Variants in TFPI observed in about 807,000 individuals in gnomAD.
TFPI encodes the protein anti-convertin.
In TFPI, 15 loss-of-function variants were observed where a neutral mutation model predicts 34.6. That is an observed-to-expected ratio of 0.43 (90% CI 0.29 to 0.67). The LOEUF (loss-of-function observed/expected upper bound fraction) is 0.67, where lower values mean the gene tolerates loss of function less well. Among genes scored for constraint, TFPI ranks in the 30% least tolerant of loss-of-function variants. The pLI, the probability that TFPI is intolerant of heterozygous loss-of-function variation, is 0.15. For synonymous variants in TFPI, 105 were observed against 120.1 expected, an observed-to-expected ratio of 0.87 and a Z score of 0.82; for missense variants, 301 against 364.0, an observed-to-expected ratio of 0.83 and a Z score of 1.41.
chr2:187,479,377 T>C (rs1322948471), intron 6 of TFPI, among the ~76,000 whole-genome samples: 1 of 151,458 alleles, frequency 6.6e-6, no homozygotes, highest in African/African-American at 2.4e-5. Context: ...TCTAATATGC[T>C]TTAGTTTACT....
intron 1 of TFPI, chr2:187,547,531 A>G (rs1273989364): frequency 6.6e-6 from 1 of 152,100 alleles, no homozygotes; most frequent in African/African-American, 2.4e-5. Flanking sequence ...GGTGACTACA[A>G]CCATCTGCCC....
chr2:187,531,497 T>G (rs1476614028), intron 1 of TFPI, among the ~76,000 whole-genome samples: 2 of 151,806 alleles, frequency 1.3e-5, no homozygotes, highest in Non-Finnish European at 2.9e-5. Flanking sequence ...AATTTTTCTG[T>G]TTTTTTGCAA....
intron 6 of TFPI, among the ~76,000 whole-genome samples, chr2:187,469,514 T>C (rs8176584): frequency 3.1e-3 from 476 of 152,200 alleles, no homozygotes; most frequent in African/African-American, 0.011. Context: ...TACAAAATGA[T>C]GTTATGGGAT....
intron 6 of TFPI, among the ~76,000 whole-genome samples, chr2:187,469,418 T>C (rs1167458765): frequency 1.3e-5 from 2 of 152,148 alleles, no homozygotes; most frequent in African/African-American, 4.8e-5. Flanking sequence ...TTAAATCATA[T>C]GTAGCCCTTT....
In TFPI at chr2:187,523,712, C is replaced by A. The variant is rs76581463; in HGVS notation, c.-2-19942G>T. On this transcript the variant is annotated intron_variant, in intron 1 of 7. Coordinates refer to ENST00000233156, the MANE Select transcript of TFPI (RefSeq NM_006287.6). The stretch of plus-strand genomic sequence containing the variant: ...TACAGAATATTTTCCTCTAAAAATT[C>A]TCTGTGCTTCATCCATTCATCCTCC... Among the ~76,000 whole-genome samples the A allele has an allele frequency of 4.0e-3, 611 of 152,238 alleles. 10 individuals carry two copies. In the East Asian group the frequency reaches 0.047, roughly 12 times the overall value.
At chr2:187,479,546 CATATATATATATATATATATATAT>C (rs35837997) in intron 6 of TFPI, among the ~76,000 whole-genome samples, 72 of 63,310 alleles carry the variant, frequency 1.1e-3, no homozygotes, top group African/African-American at 3.5e-3. Flanking sequence ...ATATCACGTT[CATATATATATATATATATATATAT>C]ATATATATAT....
intron 1 of TFPI, among the ~76,000 whole-genome samples, chr2:187,522,748 A>G (rs1435838308): frequency 3.9e-5 from 5 of 129,360 alleles, no homozygotes; most frequent in Non-Finnish European, 6.8e-5. Flanking sequence ...AAAAAAACCC[A>G]GGCACGGTGG....
intron 1 of TFPI, among the ~76,000 whole-genome samples, chr2:187,552,162 T>C (rs1689120222): frequency 1.3e-5 from 2 of 151,616 alleles, no homozygotes; most frequent in African/African-American, 4.8e-5. Flanking sequence ...TTTTTTTTCT[T>C]GTATTAGGTA....
intron 1 of TFPI, among the ~76,000 whole-genome samples, chr2:187,540,103 A>C (rs1208562731): frequency 6.6e-6 from 1 of 152,002 alleles, no homozygotes; most frequent in Non-Finnish European, 1.5e-5. Flanking sequence ...GGGTTTCACC[A>C]TGTGGCCCAG....
At chr2:187,533,186 G>T (rs1323097094) in intron 1 of TFPI, among the ~76,000 whole-genome samples, 2 of 152,200 alleles carry the variant, frequency 1.3e-5, no homozygotes, top group Non-Finnish European at 2.9e-5. Flanking sequence ...GCGAGCAGCG[G>T]ATATCCCAGC....
At chr2:187,504,577 AAAAG>A (rs1686072775) in intron 1 of TFPI, among the ~76,000 whole-genome samples, 1 of 151,980 alleles carries the variant, frequency 6.6e-6, no homozygotes, top group Non-Finnish European at 1.5e-5. Flanking sequence ...AAAAAAAAAA[AAAAG>A]AAAAGAAAGA....
At chr2:187,512,210 T>C (rs1003530602) in intron 1 of TFPI, among the ~76,000 whole-genome samples, 5 of 140,264 alleles carry the variant, frequency 3.6e-5, no homozygotes, top group African/African-American at 1.1e-4. Context: ...CAGAAGAAAG[T>C]AGAAAAATAA....
intron 2 of TFPI, among the ~76,000 whole-genome samples, chr2:187,503,260 G>A (rs900316012): frequency 6.6e-6 from 1 of 152,006 alleles, no homozygotes; most frequent in African/African-American, 2.4e-5. Context: ...AACCTCAGAT[G>A]TCTGAAGTTC....
intron 1 of TFPI, among the ~76,000 whole-genome samples, chr2:187,526,268 G>A (rs75963278): frequency 3.1e-3 from 467 of 152,172 alleles, no homozygotes; most frequent in African/African-American, 0.011. Context: ...GTTTGAATTT[G>A]GTTAAGCATG....
At chr2:187,496,817 A>T in intron 3 of TFPI, 64 bp downstream of exon 3, 1 of 1,402,834 alleles carries the variant, frequency 7.1e-7, no homozygotes. Context: ...CTAAATTATC[A>T]AATCCATAAT....
chr2:187,474,553 A>T (rs1165006618), intron 6 of TFPI, among the ~76,000 whole-genome samples: 1 of 152,190 alleles, frequency 6.6e-6, no homozygotes, highest in Admixed American at 6.5e-5. Context: ...TGTTGAATAC[A>T]TGAAGCAAAC....
intron 1 of TFPI, among the ~76,000 whole-genome samples, chr2:187,536,344 T>C (rs746061103): frequency 2.2e-4 from 34 of 152,210 alleles, no homozygotes; most frequent in Non-Finnish European, 4.1e-4. Context: ...AATAAAATAC[T>C]GGCAAACTGA....
chr2:187,479,987 G>A (rs1283103043), intron 6 of TFPI, among the ~76,000 whole-genome samples: 2 of 151,930 alleles, frequency 1.3e-5, no homozygotes, highest in African/African-American at 2.4e-5. Flanking sequence ...AAAAGATAAA[G>A]AACAATTATA....
chr2:187,518,046 C>T (rs530557237), intron 1 of TFPI: 1 of 152,284 alleles, frequency 6.6e-6, no homozygotes, highest in South Asian at 2.1e-4. Context: ...TTGCACTTGA[C>T]ATGGGTCTCC....
Sources: gnomAD v4.1 joint callset for allele counts (sites outside exome capture counted in the v4.1 genomes callset) on GRCh38, gnomAD v4.1.1 for gene constraint, MANE v1.5 for transcripts, NCBI Gene and HGNC (gene_info 2026-07-23, HGNC 2026-07-21) for gene names.